Variants in NSUN3 observed in about 807,000 individuals in gnomAD.
NSUN3 encodes the protein tRNA (cytosine(34)-C(5))-methyltransferase, mitochondrial.
Under a neutral mutation model 36.8 loss-of-function variants are expected in NSUN3, and 24 were observed. The ratio of observed to expected loss-of-function variants is 0.65; its 90% CI spans 0.47 to 0.92. The LOEUF is 0.92. NSUN3 is among the 40% of genes least tolerant of loss of function. The probability of loss-of-function intolerance (pLI) is 0.00; values close to 1 mark genes in which losing one functional copy is unlikely to be tolerated. For synonymous variants in NSUN3, 146 were observed against 145.2 expected, an observed-to-expected ratio of 1.01 and a Z score of -0.04; for missense variants, 381 against 392.8, an observed-to-expected ratio of 0.97 and a Z score of 0.25.
intron 2 of NSUN3, among the ~76,000 whole-genome samples, chr3:94,072,846 C>T (rs1033690349): frequency 1.3e-5 from 2 of 151,782 alleles, no homozygotes; most frequent in African/African-American, 2.4e-5. Flanking sequence ...GGTACATGTG[C>T]AGAATGTGCA....
intron 2 of NSUN3, among the ~76,000 whole-genome samples, chr3:94,079,665 T>C (rs142553068): frequency 6.6e-6 from 1 of 152,196 alleles, no homozygotes; most frequent in Non-Finnish European, 1.5e-5. Flanking sequence ...TCTCACTTTA[T>C]TTCATTAAAT....
chr3:94,093,885 G>T lies in NSUN3; in HGVS notation c.467-255G>T, dbSNP rs2077326355. ...TAAAATTAAACTTGGTGGAGCAAAT[G>T]CTGAGAGCTTCTGAGAGACTGTGTA... On this transcript the variant is annotated intron_variant, in intron 3 of 5. Transcript: ENST00000314622. 2.6e-5 allele frequency among the ~76,000 whole-genome samples: 4 copies of T among 152,310 alleles called. 1 individual carries two copies. Among genetic ancestry groups the T allele is most frequent in the Middle Eastern group, 6.8e-3 (2 of 294 alleles).
intron 5 of NSUN3, among the ~76,000 whole-genome samples, chr3:94,119,551 T>C (rs2077453315): frequency 6.6e-6 from 1 of 152,116 alleles, no homozygotes; most frequent in African/African-American, 2.4e-5. Context: ...ACTCAACTCC[T>C]GCTGTGCAGC....
intron 2 of NSUN3, chr3:94,076,711 A>G (rs2077248040): frequency 6.1e-6 from 8 of 1,310,778 alleles, no homozygotes; most frequent in Admixed American, 3.4e-5. Flanking sequence ...GATGTTTTGT[A>G]TAGTCCAAGA....
At chr3:94,093,712 C>T (rs546009546) in intron 3 of NSUN3, among the ~76,000 whole-genome samples, 4 of 152,286 alleles carry the variant, frequency 2.6e-5, no homozygotes, top group South Asian at 2.1e-4. Flanking sequence ...CTGCGTCTGC[C>T]GCAATGTGAG....
rs760949675 is a variant in NSUN3 at position 94,119,682 on chromosome 3, A to G, written c.744-6529A>G. ...ATCTTAGCTATAAACCCTAGGAGTG[A>G]GTTTTTACAAATTGCCTGCCTTCCT... On this transcript the variant is annotated intron_variant, in intron 5 of 5. Transcript: ENST00000314622. Among the ~76,000 whole-genome samples the G allele has an allele frequency of 5.7e-4, 87 of 152,242 alleles. 1 individual carries two copies. Among genetic ancestry groups the G allele is most frequent in the Non-Finnish European group, 1.1e-3 (72 of 68,044 alleles).
chr3:94,072,159 A>G (rs1453723323), intron 2 of NSUN3, among the ~76,000 whole-genome samples: 1 of 152,178 alleles, frequency 6.6e-6, no homozygotes, highest in Admixed American at 6.5e-5. Flanking sequence ...AGAGGGTTTC[A>G]GGGAGGTCAT....
At chr3:94,102,264 A>T (rs1192714128) in intron 5 of NSUN3, among the ~76,000 whole-genome samples, 1 of 151,870 alleles carries the variant, frequency 6.6e-6, no homozygotes, top group Non-Finnish European at 1.5e-5. Flanking sequence ...AGCTAAGATA[A>T]GGAATACCTA....
chr3:94,124,371 T>C (rs2077476566), intron 5 of NSUN3, among the ~76,000 whole-genome samples: 1 of 151,792 alleles, frequency 6.6e-6, no homozygotes, highest in Admixed American at 6.6e-5. Flanking sequence ...AGGTGATCCA[T>C]CTGCCTCGGT....
chr3:94,078,784 T>C (rs930126789), intron 2 of NSUN3, among the ~76,000 whole-genome samples: 6 of 152,234 alleles, frequency 3.9e-5, no homozygotes, highest in African/African-American at 1.2e-4. Flanking sequence ...TCCATTTGCT[T>C]GGCAAATATT....
intron 1 of NSUN3, 96 bp from the exon 2 acceptor site, chr3:94,064,341 A>C: frequency 1.4e-6 from 1 of 724,778 alleles, no homozygotes; most frequent in Non-Finnish European, 2.4e-6. Context: ...TTATCCAAAA[A>C]AAGTGTTCTT....
chr3:94,072,795 G>C (rs1308111144), intron 2 of NSUN3, among the ~76,000 whole-genome samples: 1 of 151,858 alleles, frequency 6.6e-6, no homozygotes, highest in East Asian at 1.9e-4. Flanking sequence ...TCTGCAATAA[G>C]TTCTTCTCTT....
intron 2 of NSUN3, among the ~76,000 whole-genome samples, chr3:94,070,779 A>G (rs1281821326): frequency 6.6e-6 from 1 of 152,170 alleles, no homozygotes; most frequent in Non-Finnish European, 1.5e-5. Context: ...GCCAGAAACT[A>G]TTGGAGTGTC....
chr3:94,072,615 A>G (rs1280760850), intron 2 of NSUN3, among the ~76,000 whole-genome samples: 3 of 152,158 alleles, frequency 2.0e-5, no homozygotes, highest in Admixed American at 1.3e-4. Context: ...GGGGCCGGGC[A>G]TGTGGAGATC....
chr3:94,094,001 AAAT>A lies in NSUN3; in HGVS notation c.467-132_467-130del, dbSNP rs1392104472. 2.2e-5 allele frequency: 14 copies of A among 639,986 alleles called. 1 individual carries two copies. Among genetic ancestry groups the A allele is most frequent in the African/African-American group, 5.5e-5 (3 of 54,194 alleles). The allele number at this position is 639,986 out of a possible 1,614,324, so 39.6% of individuals were successfully genotyped here. A position where few individuals can be genotyped will look rare whatever the true frequency, so the allele number is the denominator to read the frequency against. On this transcript the variant is annotated intron_variant, in intron 3 of 5. Transcript: ENST00000314622. ...TTATTTCTGTTTTTAAAGCATAAGA[AAAT>A]AATAATGTTTACCTCTGAGCCCTAT...
In NSUN3 at chr3:94,095,042, GATGCTCCGTGTTCAA is replaced by G. The variant is rs2077331744; in HGVS notation, c.635_649del (p.Ala212_Asn216del). 2 of 1,613,736 alleles carry G rather than the reference GATGCTCCGTGTTCAA, an allele frequency of 1.2e-6. No individual in the cohort carries two copies. The highest frequency in any genetic ancestry group is 1.3e-5 in the African/African-American group (1 of 74,896). ...TCTTTTTTTTCTCTAGGTGTTAGTG[GATGCTCCGTGTTCAA>G]ATGATCGAAGCTGGTTGTTTTCTTC... is the stretch of plus-strand genomic sequence containing the variant. On this transcript the variant is annotated inframe_deletion, in exon 5 of 6. Coordinates refer to ENST00000314622, the MANE Select transcript of NSUN3 (RefSeq NM_022072.5).
chr3:94,098,448 T>C (rs532560199), intron 5 of NSUN3, among the ~76,000 whole-genome samples: 14 of 152,326 alleles, frequency 9.2e-5, no homozygotes, highest in African/African-American at 3.1e-4. Flanking sequence ...CCTACAGTGG[T>C]TCCCCATTAC....
chr3:94,098,114 CT>C (rs1015380771), intron 5 of NSUN3, among the ~76,000 whole-genome samples: 36 of 152,186 alleles, frequency 2.4e-4, no homozygotes, highest in Middle Eastern at 3.4e-3. Flanking sequence ...CCTCTTCCCC[CT>C]CTCTTCTCGA....
At chr3:94,106,207 A>G (rs1049779886) in intron 5 of NSUN3, among the ~76,000 whole-genome samples, 4 of 152,176 alleles carry the variant, frequency 2.6e-5, no homozygotes, top group African/African-American at 9.6e-5. Flanking sequence ...AGTACTTTAT[A>G]AGAAATATTG....
Sources: allele counts gnomAD v4.1 joint callset (sites outside exome capture counted in the v4.1 genomes callset), GRCh38; gene constraint gnomAD v4.1.1; transcripts MANE v1.5; gene names NCBI Gene and HGNC (gene_info 2026-07-23, HGNC 2026-07-21).